TECPR2: variants seen among roughly 807,000 people sequenced by gnomAD.
TECPR2 encodes the protein tectonin beta-propeller repeat-containing protein 2.
Under a neutral mutation model 138.1 loss-of-function variants are expected in TECPR2, and 65 were observed. The observed-to-expected ratio is 0.47, with a 90% CI of 0.39 to 0.58. The LOEUF (loss-of-function observed/expected upper bound fraction) is 0.58, where lower values mean the gene tolerates loss of function less well. TECPR2 is among the 20% of genes least tolerant of loss of function. The pLI, the probability that TECPR2 is intolerant of heterozygous loss-of-function variation, is 0.00. For missense variants in TECPR2, 1,553 were observed against 1,824.5 expected (o/e 0.85, Z 2.71); for synonymous variants, 746 against 749.8 (o/e 0.99, Z 0.08).
intron 6 of TECPR2, 84 bp from the exon 7 acceptor site, chr14:102,428,166 T>C (rs1889375160): frequency 1.4e-6 from 2 of 1,443,082 alleles, no homozygotes; most frequent in East Asian, 2.5e-5. Flanking sequence ...ATTTGGACTC[T>C]CACACATGCA....
intron 16 of TECPR2, among the ~76,000 whole-genome samples, chr14:102,455,933 G>GTATTT (rs1890267735): frequency 2.0e-5 from 3 of 151,978 alleles, no homozygotes; most frequent in Non-Finnish European, 4.4e-5. Flanking sequence ...TTTGTATTTT[G>GTATTT]GGTAGAGATG....
At chr14:102,459,383 G>A (rs1890351658) in intron 16 of TECPR2, among the ~76,000 whole-genome samples, 1 of 152,164 alleles carries the variant, frequency 6.6e-6, no homozygotes, top group Non-Finnish European at 1.5e-5. Flanking sequence ...ACACACAGTA[G>A]CCTGGTGGAT....
chr14:102,375,418 G>C (rs1440466617), intron 1 of TECPR2, among the ~76,000 whole-genome samples: 1 of 152,096 alleles, frequency 6.6e-6, no homozygotes. Flanking sequence ...ACTCAGTAGG[G>C]GGAGGAGAAA....
intron 2 of TECPR2, among the ~76,000 whole-genome samples, chr14:102,404,168 T>C (rs1207484759): frequency 2.6e-5 from 4 of 152,036 alleles, no homozygotes; most frequent in East Asian, 3.9e-4. Flanking sequence ...CCTCCCAAAA[T>C]TGTGGGATTA....
intron 4 of TECPR2, among the ~76,000 whole-genome samples, chr14:102,409,815 A>G (rs1888772486): frequency 6.6e-6 from 1 of 150,932 alleles, no homozygotes; most frequent in South Asian, 2.1e-4. Flanking sequence ...AAATATACAT[A>G]TTTTTTTGAG....
chr14:102,407,167 T>A (rs1431175008), intron 2 of TECPR2, among the ~76,000 whole-genome samples, 171 bp from the exon 3 acceptor site: 2 of 151,998 alleles, frequency 1.3e-5, no homozygotes, highest in Non-Finnish European at 2.9e-5. Flanking sequence ...GCCCTGTTTT[T>A]GTTTTTGTTT....
chr14:102,387,029 T>C (rs989058643), intron 2 of TECPR2, among the ~76,000 whole-genome samples: 3 of 152,216 alleles, frequency 2.0e-5, no homozygotes, highest in African/African-American at 7.2e-5. Flanking sequence ...GTGGTCTCTT[T>C]GGAATGTCCA....
chr14:102,397,203 TCACA>T (rs1222062946), intron 2 of TECPR2, among the ~76,000 whole-genome samples: 1 of 151,908 alleles, frequency 6.6e-6, no homozygotes, highest in East Asian at 1.9e-4. Context: ...ACAAAAAGAA[TCACA>T]CACACATCCA....
At chr14:102,363,589 G>A (rs767341971) in intron 1 of TECPR2, among the ~76,000 whole-genome samples, 6 of 152,274 alleles carry the variant, frequency 3.9e-5, no homozygotes, top group Non-Finnish European at 7.3e-5. Context: ...TTCGATGAGT[G>A]GATAAGTGAA....
rs1450150053 is a variant in TECPR2, at chr14:102,428,216, T to G, written c.952-34T>G. 6 of 1,475,020 alleles carry G rather than the reference T, an allele frequency of 4.1e-6. No homozygotes were observed. In the African/African-American group the frequency reaches 6.4e-5, roughly 16 times the overall value. 91.4% of individuals were successfully genotyped at this position (1,475,020 alleles called of 1,614,324 possible). ...GCTGTTACCGTTGTTTAGTTTTGTGTTTTTTGTTTTTTTTTTTTTTTTTTT... is the reference window on the plus strand; with the variant it reads ...GCTGTTACCGTTGTTTAGTTTTGTGGTTTTTGTTTTTTTTTTTTTTTTTTT... On this transcript the variant is annotated intron_variant, in intron 6 of 19. Coordinates refer to ENST00000359520, the MANE Select transcript of TECPR2 (RefSeq NM_014844.5).
At chr14:102,497,810 C>G in intron 19 of TECPR2, 91 bp downstream of exon 19, 1 of 1,417,568 alleles carries the variant, frequency 7.1e-7, no homozygotes, top group Non-Finnish European at 9.4e-7. Context: ...AAGCCGACCC[C>G]ACTGGGCTCC....
chr14:102,493,865 C>T (rs1423629763), intron 17 of TECPR2, among the ~76,000 whole-genome samples: 1 of 152,210 alleles, frequency 6.6e-6, no homozygotes, highest in East Asian at 1.9e-4. Flanking sequence ...TCCAATGCCG[C>T]TCTGCTTTAA....
chr14:102,497,190 C>T (rs1025685979), intron 18 of TECPR2, 70 bp downstream of exon 18: 10 of 1,558,642 alleles, frequency 6.4e-6, no homozygotes, highest in Admixed American at 5.4e-5. Context: ...CTGCTGGGCG[C>T]TCCCTCCAGG....
intron 15 of TECPR2, among the ~76,000 whole-genome samples, chr14:102,451,085 G>A (rs1890129598): frequency 6.6e-6 from 1 of 152,212 alleles, no homozygotes; most frequent in Admixed American, 6.5e-5. Flanking sequence ...ACCGCATTAG[G>A]CAGACCTGCC....
rs78987088 is a variant in TECPR2 at position 102,446,054 on chromosome 14, C to T, written c.3075+107C>T. 0.033 allele frequency: 42,935 copies of T among 1,282,260 alleles called. 908 individuals are homozygous for T. The highest frequency in any genetic ancestry group is 0.056 in the African/African-American group (3,636 of 65,392). The allele number at this position is 1,282,260 out of a possible 1,614,324, so 79.4% of individuals were successfully genotyped here. A position where few individuals can be genotyped will look rare whatever the true frequency, so the allele number is the denominator to read the frequency against. On this transcript the variant is annotated intron_variant, in intron 13 of 19. Transcript: ENST00000359520. ...ACGATACTAGATTAAATTTAAAATA[C>T]TCACTTTTTTATTATTTGTTTGTTT...
At chr14:102,424,640 T>A (rs1225545474) in intron 5 of TECPR2, among the ~76,000 whole-genome samples, 1 of 152,174 alleles carries the variant, frequency 6.6e-6, no homozygotes, top group Non-Finnish European at 1.5e-5. Context: ...GAATACAATG[T>A]TATGTGATGC....
intron 17 of TECPR2, among the ~76,000 whole-genome samples, chr14:102,467,776 T>C (rs1890577831): frequency 6.6e-6 from 1 of 152,142 alleles, no homozygotes; most frequent in South Asian, 2.1e-4. Flanking sequence ...ATATTGAACA[T>C]CCCTCTTTTC....
chr14:102,418,246 G>A (rs1470256123), intron 5 of TECPR2, among the ~76,000 whole-genome samples: 1 of 152,200 alleles, frequency 6.6e-6, no homozygotes, highest in African/African-American at 2.4e-5. Context: ...ATTCAGCGCT[G>A]GAGCTTTGCG....
At chr14:102,475,768 A>G (rs1430629058) in intron 17 of TECPR2, among the ~76,000 whole-genome samples, 2 of 152,312 alleles carry the variant, frequency 1.3e-5, no homozygotes, top group East Asian at 3.9e-4. Context: ...CTGCAATGAA[A>G]GGGGAAGAAA....
Sources: gnomAD v4.1 joint callset for allele counts (sites outside exome capture counted in the v4.1 genomes callset) on GRCh38, gnomAD v4.1.1 for gene constraint, MANE v1.5 for transcripts, NCBI Gene and HGNC (gene_info 2026-07-23, HGNC 2026-07-21) for gene names.